Variants in SLC14A2 observed in about 807,000 individuals in gnomAD.
SLC14A2 encodes solute carrier family 14 member 2.
In SLC14A2, 91 loss-of-function variants were observed where a neutral mutation model predicts 104.6. That is an observed-to-expected ratio of 0.87 (90% CI 0.73 to 1.04). SLC14A2 has a LOEUF of 1.04. SLC14A2 is among the 50% of genes least tolerant of loss of function. The pLI is 0.00. For missense variants in SLC14A2, 1,189 were observed against 1,156.0 expected, an observed-to-expected ratio of 1.03 and a Z score of -0.41; for synonymous variants, 476 against 466.4, an observed-to-expected ratio of 1.02 and a Z score of -0.27.
intron 1 of SLC14A2, among the ~76,000 whole-genome samples, chr18:45,428,652 C>G (rs920711024): frequency 6.6e-6 from 1 of 152,178 alleles, no homozygotes; most frequent in Admixed American, 6.5e-5. Context: ...AAGGAGGGAA[C>G]TATGTCAAAG....
intron 2 of SLC14A2, among the ~76,000 whole-genome samples, chr18:45,537,596 A>C (rs1236639021): frequency 1.3e-5 from 2 of 152,208 alleles, no homozygotes; most frequent in Non-Finnish European, 2.9e-5. Flanking sequence ...TAGGATATTT[A>C]AGGACCGTAG....
chr18:45,311,428 A>C (rs1033991761), intron 1 of SLC14A2, among the ~76,000 whole-genome samples: 12 of 152,198 alleles, frequency 7.9e-5, no homozygotes, highest in African/African-American at 2.7e-4. Context: ...AGGTTAAAAG[A>C]CTTGCCCAAA....
chr18:45,504,214 C>A (rs1464544614), intron 2 of SLC14A2, among the ~76,000 whole-genome samples: 4 of 152,264 alleles, frequency 2.6e-5, no homozygotes, highest in African/African-American at 9.6e-5. Context: ...AACTTTCCAG[C>A]AAACAATACT....
chr18:45,421,910 T>C (rs548382843), intron 1 of SLC14A2, among the ~76,000 whole-genome samples: 44 of 152,230 alleles, frequency 2.9e-4, no homozygotes, highest in Non-Finnish European at 6.0e-4. Flanking sequence ...GCAGACAAGG[T>C]AGGCTTCCTG....
At chr18:45,324,112 GT>G (rs1488854376) in intron 1 of SLC14A2, among the ~76,000 whole-genome samples, 13 of 152,130 alleles carry the variant, frequency 8.5e-5, no homozygotes, top group Non-Finnish European at 1.3e-4. Flanking sequence ...TCAAAGATAG[GT>G]ATTGAACTTT....
intron 2 of SLC14A2, among the ~76,000 whole-genome samples, chr18:45,530,194 G>A (rs2043661631): frequency 6.6e-6 from 1 of 152,136 alleles, no homozygotes; most frequent in Non-Finnish European, 1.5e-5. Flanking sequence ...TAGGTACTTG[G>A]GACGTTGAAT....
intron 2 of SLC14A2, among the ~76,000 whole-genome samples, chr18:45,567,824 T>TG (rs2044289154): frequency 6.6e-6 from 1 of 152,154 alleles, no homozygotes; most frequent in South Asian, 2.1e-4. Flanking sequence ...TAAAACCTTT[T>TG]TAACAGGCAA....
chr18:45,453,461 A>G (rs1438428240), intron 1 of SLC14A2, among the ~76,000 whole-genome samples: 1 of 152,220 alleles, frequency 6.6e-6, no homozygotes, highest in Non-Finnish European at 1.5e-5. Context: ...TAAGCAAAGT[A>G]TCAAAATGTT....
intron 1 of SLC14A2, among the ~76,000 whole-genome samples, chr18:45,416,250 C>CT (rs574818783): frequency 0.068 from 8,491 of 125,140 alleles, 640 homozygotes; most frequent in African/African-American, 0.18. Context: ...TTTTTGTTTC[C>CT]TTTTTTTTTT....
chr18:45,363,197 G>C (rs967441702), intron 1 of SLC14A2, among the ~76,000 whole-genome samples: 3 of 152,068 alleles, frequency 2.0e-5, no homozygotes, highest in African/African-American at 7.2e-5. Flanking sequence ...GAAAACTCCA[G>C]CTGCTCCTCT....
chr18:45,324,311 G>A (rs1345778943), intron 1 of SLC14A2, among the ~76,000 whole-genome samples: 3 of 152,150 alleles, frequency 2.0e-5, no homozygotes, highest in African/African-American at 7.2e-5. Context: ...TGTGAAACCA[G>A]CTTTGATCCA....
intron 2 of SLC14A2, among the ~76,000 whole-genome samples, chr18:45,493,518 G>T (rs2043037917): frequency 6.6e-6 from 1 of 152,188 alleles, no homozygotes. Context: ...TGAAATACTG[G>T]TGTGAGTGTT....
intron 1 of SLC14A2, among the ~76,000 whole-genome samples, chr18:45,342,270 T>C (rs545578867): frequency 6.6e-6 from 1 of 152,222 alleles, no homozygotes; most frequent in Non-Finnish European, 1.5e-5. Context: ...TTTCTGACAC[T>C]ATGAGGTTAG....
chr18:45,477,633 T>C (rs2087408215), intron 1 of SLC14A2, among the ~76,000 whole-genome samples: 1 of 152,186 alleles, frequency 6.6e-6, no homozygotes, highest in South Asian at 2.1e-4. Context: ...GAGTTTTATC[T>C]ATAAGCCCAT....
chr18:45,434,138 C>A (rs2086560548), intron 1 of SLC14A2, among the ~76,000 whole-genome samples: 1 of 152,194 alleles, frequency 6.6e-6, no homozygotes, highest in Non-Finnish European at 1.5e-5. Flanking sequence ...CATCCCCCTA[C>A]CCTTAACTGT....
At chr18:45,669,787 A>C (rs2046098841) in intron 16 of SLC14A2, among the ~76,000 whole-genome samples, 1 of 152,192 alleles carries the variant, frequency 6.6e-6, no homozygotes, top group Admixed American at 6.5e-5. Context: ...CAAGACTAGA[A>C]CTTCAGCCTC....
intron 1 of SLC14A2, among the ~76,000 whole-genome samples, chr18:45,247,673 A>G (rs949265751): frequency 1.3e-5 from 2 of 150,960 alleles, no homozygotes; most frequent in African/African-American, 4.9e-5. Context: ...GCCTGCTGAC[A>G]TCAGTTGGTT....
chr18:45,576,989 G>C (rs1280109171), intron 2 of SLC14A2, among the ~76,000 whole-genome samples: 1 of 152,144 alleles, frequency 6.6e-6, no homozygotes, highest in Non-Finnish European at 1.5e-5. Context: ...CAGGCTCTAG[G>C]GCATAGCAGC....
At chr18:45,643,706 G>C (rs1216730736) in intron 9 of SLC14A2, among the ~76,000 whole-genome samples, 1 of 152,090 alleles carries the variant, frequency 6.6e-6, no homozygotes, top group Non-Finnish European at 1.5e-5. Context: ...GCTGTCTTTT[G>C]TATTTTTTTG....
Sources: gnomAD v4.1 joint callset for allele counts (sites outside exome capture counted in the v4.1 genomes callset) on GRCh38, gnomAD v4.1.1 for gene constraint, MANE v1.5 for transcripts, NCBI Gene and HGNC (gene_info 2026-07-23, HGNC 2026-07-21) for gene names.